The following RBFOX1 variants were observed in gnomAD, a reference collection of about 807,000 sequenced individuals.
The protein encoded by RBFOX1 is RNA binding fox-1 homolog 1, also known as RNA binding protein fox-1 homolog 1.
In RBFOX1, 8 loss-of-function variants were observed where a neutral mutation model predicts 57.7. The observed-to-expected ratio is 0.14, with a 90% CI of 0.08 to 0.25. RBFOX1 has a LOEUF of 0.25. Among genes scored for constraint, RBFOX1 ranks in the 10% least tolerant of loss-of-function variants. RBFOX1 has a pLI of 1.00. For synonymous variants in RBFOX1, 326 were observed against 222.4 expected (o/e 1.47, Z -4.15); for missense variants, 611 against 548.5 (o/e 1.11, Z -1.14).
At chr16:7,702,801 TACCA>T (rs2081196807) in intron 14 of RBFOX1, among the ~76,000 whole-genome samples, 1 of 152,186 alleles carries the variant, frequency 6.6e-6, no homozygotes, top group African/African-American at 2.4e-5. Flanking sequence ...TTGGTAATGA[TACCA>T]GCAACAATGC....
chr16:6,985,043 C>T lies in RBFOX1; in HGVS notation c.-15-67014C>T, dbSNP rs114657954. Reference sequence around the variant, plus strand: ...TATCCTGGCTTTGCTGGCCAGATCCCAATGAGTTAGTTCCTCTGGATTTCA... The same window carrying T: ...TATCCTGGCTTTGCTGGCCAGATCCTAATGAGTTAGTTCCTCTGGATTTCA... On this transcript the variant is annotated intron_variant, in intron 3 of 15. Coordinates refer to ENST00000550418, the MANE Select transcript of RBFOX1 (RefSeq NM_018723.4). Among the ~76,000 whole-genome samples the T allele has an allele frequency of 6.8e-3, 974 of 143,130 alleles. 12 individuals are homozygous for T. Among genetic ancestry groups the T allele is most frequent in the African/African-American group, 0.024 (922 of 38,878 alleles). The allele number at this position is 143,130 out of a possible 152,430, so 93.9% of individuals were successfully genotyped here. A position where few individuals can be genotyped will look rare whatever the true frequency, so the allele number is the denominator to read the frequency against.
chr16:6,393,782 A>G (rs1462032999), intron 2 of RBFOX1, among the ~76,000 whole-genome samples: 2 of 152,298 alleles, frequency 1.3e-5, no homozygotes, highest in East Asian at 1.9e-4. Flanking sequence ...AGAGGTCCAA[A>G]TGTTTTATGG....
rs577693771 is a variant in RBFOX1, at chr16:6,830,379, A to G, written c.-16+175729A>G. Among the ~76,000 whole-genome samples, 11 of 152,146 alleles carry G rather than the reference A, an allele frequency of 7.2e-5. No homozygotes were observed. The South Asian group carries it at 2.1e-3, about 29-fold the overall frequency. ...ATATTCCACTTTTTTTTTCCAGTTT[A>G]TCTTTGAATTTTACTAACGGGAAGT... On this transcript the variant is annotated intron_variant, in intron 3 of 15. Coordinates refer to ENST00000550418, the MANE Select transcript of RBFOX1 (RefSeq NM_018723.4).
At chr16:6,669,035 G>C (rs2098748906) in intron 3 of RBFOX1, among the ~76,000 whole-genome samples, 1 of 152,258 alleles carries the variant, frequency 6.6e-6, no homozygotes, top group Middle Eastern at 3.4e-3. Context: ...CTTGATGTGT[G>C]ATTGGGTGAC....
At chr16:6,351,005 A>C (rs1204416196) in intron 2 of RBFOX1, among the ~76,000 whole-genome samples, 1 of 152,176 alleles carries the variant, frequency 6.6e-6, no homozygotes, top group African/African-American at 2.4e-5. Context: ...ACAAGTAGCA[A>C]CTTGTGCAAA....
At chr16:5,925,270 G>A (rs755693749) in intron 4 of RBFOX1, among the ~76,000 whole-genome samples, 25 of 152,178 alleles carry the variant, frequency 1.6e-4, no homozygotes, top group Non-Finnish European at 3.2e-4. Context: ...ATGTCCATCA[G>A]CAAGTGAACA....
At position 6,193,089 on chromosome 16, in the gene RBFOX1, TCTC is replaced by T. The variant is rs201603680; in HGVS notation, c.-126-123905_-126-123903del. Among the ~76,000 whole-genome samples, 867 of 152,100 alleles carry T rather than the reference TCTC, an allele frequency of 5.7e-3. 6 individuals are homozygous for T. Among genetic ancestry groups the T allele is most frequent in the Admixed American group, 0.016 (238 of 15,270 alleles). On this transcript the variant is annotated intron_variant, in intron 1 of 15. Transcript: ENST00000550418. Reference sequence around the variant, plus strand: ...TTGTGACGTACCTCCCGAAGATTCATCTCTAACTCTGTAATACATTTAGTGATT... The same window carrying T: ...TTGTGACGTACCTCCCGAAGATTCATTAACTCTGTAATACATTTAGTGATT...
At chr16:7,149,186 C>T (rs926884837) in intron 4 of RBFOX1, among the ~76,000 whole-genome samples, 1 of 152,110 alleles carries the variant, frequency 6.6e-6, no homozygotes, top group Non-Finnish European at 1.5e-5. Flanking sequence ...CAATTCTCCT[C>T]CTTCATGTTT....
chr16:5,601,788 G>T (rs1344274219), downstream of RBFOX1: 1 of 152,194 alleles, frequency 6.6e-6, no homozygotes. Context: ...AGGGAAAGTA[G>T]TTGAAAAAGT....
At chr16:5,882,229 G>C (rs897789271) in intron 4 of RBFOX1, among the ~76,000 whole-genome samples, 2 of 151,872 alleles carry the variant, frequency 1.3e-5, no homozygotes, top group African/African-American at 4.9e-5. Flanking sequence ...TCGTAGCTAT[G>C]TCAGAGGTGG....
intron 4 of RBFOX1, among the ~76,000 whole-genome samples, chr16:5,976,276 A>G (rs746420651): frequency 2.4e-4 from 36 of 152,366 alleles, no homozygotes; most frequent in South Asian, 4.1e-4. Flanking sequence ...AGCAGCAACA[A>G]CAGAGTTCTG....
intron 4 of RBFOX1, among the ~76,000 whole-genome samples, chr16:7,275,181 G>C (rs969916724): frequency 1.3e-5 from 2 of 152,118 alleles, no homozygotes; most frequent in East Asian, 1.9e-4. Flanking sequence ...AGGGAGAGAG[G>C]AAGGGAGAAA....
intron 2 of RBFOX1, among the ~76,000 whole-genome samples, chr16:6,543,504 T>G (rs1316585789): frequency 1.3e-5 from 2 of 152,186 alleles, no homozygotes; most frequent in East Asian, 3.9e-4. Context: ...GTTCCCTCTC[T>G]GAGATCTTTC....
intron 1 of RBFOX1, among the ~76,000 whole-genome samples, chr16:6,069,766 C>A (rs1303188768): frequency 1.3e-5 from 2 of 152,096 alleles, no homozygotes; most frequent in Non-Finnish European, 2.9e-5. Context: ...GTGGGCAGAT[C>A]ACTTGAGTTC....
intron 3 of RBFOX1, among the ~76,000 whole-genome samples, chr16:5,701,315 T>G (rs186946453): frequency 3.9e-5 from 6 of 152,330 alleles, no homozygotes; most frequent in Non-Finnish European, 8.8e-5. Flanking sequence ...TGCAAACAAA[T>G]ACAAAAGGAA....
chr16:7,006,809 A>C (rs1044120891), intron 3 of RBFOX1, among the ~76,000 whole-genome samples: 4 of 152,166 alleles, frequency 2.6e-5, no homozygotes, highest in Non-Finnish European at 5.9e-5. Context: ...AAGTTAAGTC[A>C]CCTGCCCAAG....
At chr16:5,679,143 C>T (rs527426802) in intron 3 of RBFOX1, among the ~76,000 whole-genome samples, 10 of 152,170 alleles carry the variant, frequency 6.6e-5, no homozygotes, top group Non-Finnish European at 1.3e-4. Context: ...AGAAACCAGG[C>T]AGAGTACCCT....
intron 11 of RBFOX1, among the ~76,000 whole-genome samples, chr16:7,637,540 G>C (rs1437191661): frequency 1.3e-5 from 2 of 152,152 alleles, no homozygotes; most frequent in East Asian, 3.8e-4. Context: ...ACTTCCATGG[G>C]TTTCTGTAAT....
Position 7,290,321 on chromosome 16 carries a change from CTT to C in RBFOX1, c.28-227823_28-227822del, listed in dbSNP as rs1345255225. Among the ~76,000 whole-genome samples, 5 of 152,246 alleles carry C rather than the reference CTT, an allele frequency of 3.3e-5. No homozygotes were observed. In the East Asian group the frequency reaches 7.7e-4, roughly 24 times the overall value. ...GGCTTATAATCCAATTCATTTCAGT[CTT>C]TTAATTTGTTGCCTGCTATTGAGAA... On this transcript the variant is annotated intron_variant, in intron 4 of 15. Coordinates refer to ENST00000550418, the MANE Select transcript of RBFOX1 (RefSeq NM_018723.4).
Sources: gnomAD v4.1 joint callset for allele counts (sites outside exome capture counted in the v4.1 genomes callset) on GRCh38, gnomAD v4.1.1 for gene constraint, MANE v1.5 for transcripts, NCBI Gene and HGNC (gene_info 2026-07-23, HGNC 2026-07-21) for gene names.